C10orf71: variants seen among roughly 807,000 people sequenced by gnomAD.
C10orf71 encodes the protein chromosome 10 open reading frame 71.
For missense variants in C10orf71, 1,869 were observed against 1,804.5 expected (o/e 1.04, Z -0.65); for synonymous variants, 758 against 726.3 (o/e 1.04, Z -0.70).
chr10:49,323,400 A>G lies in C10orf71; in HGVS notation c.855A>G (p.Pro285=), dbSNP rs1443893439. The change falls in exon 3 of 3, where the codon CCA becomes CCG. Residue 285 remains proline (P), a synonymous_variant. Coordinates refer to ENST00000374144, the MANE Select transcript of C10orf71 (RefSeq NM_001135196.2). The part of the protein sequence containing the change: ...SAFESWNAHQ[P]KLLERKDTAG... ...TTGAGTCATGGAATGCCCACCAACCAAAGCTGCTGGAGAGAAAGGACACAG... is the reference window on the plus strand; with the variant it reads ...TTGAGTCATGGAATGCCCACCAACCGAAGCTGCTGGAGAGAAAGGACACAG... 6.2e-7 allele frequency: 1 copy of G among 1,613,982 alleles called. No individual in the cohort carries two copies. The highest frequency in any genetic ancestry group is 1.1e-5 in the South Asian group (1 of 91,074).
At position 49,326,015 on chromosome 10, in the gene C10orf71, T is replaced by C. The variant is rs1849233532; in HGVS notation, c.3470T>C (p.Leu1157Pro). The change falls in exon 3 of 3, where the codon CTT becomes CCT. Residue 1157 changes from leucine (L) to proline (P), a missense_variant. Leu to Pro is a moderately conservative substitution (Grantham distance 98). Transcript: ENST00000374144. ...AGCCCAGCAGGCACCTCTGGGAGAC[T>C]TGAGCTTCCTGCACAGCTAGAGAGG... ...ATSPAGTSGR[L>P]ELPAQLERTA... The C allele has an allele frequency of 6.4e-7, 1 of 1,551,644 alleles. No homozygotes were observed. Among genetic ancestry groups the C allele is most frequent in the African/African-American group, 1.4e-5 (1 of 73,156 alleles).
Position 49,322,484 on chromosome 10 carries a change from T to C in C10orf71, c.-62T>C. On this transcript the variant is annotated 5_prime_UTR_variant, in exon 3 of 3. Coordinates refer to ENST00000374144, the MANE Select transcript of C10orf71 (RefSeq NM_001135196.2). The stretch of plus-strand genomic sequence containing the variant: ...TGGGGAAGAGGGAAACACCTAACCT[T>C]GACAGAATCATCACCAGAGACACCT... The C allele has an allele frequency of 6.7e-7, 1 of 1,498,152 alleles. No individual in the cohort carries two copies. Among genetic ancestry groups the C allele is most frequent in the Non-Finnish European group, 8.9e-7 (1 of 1,119,524 alleles). The allele number at this position is 1,498,152 out of a possible 1,614,324, so 92.8% of individuals were successfully genotyped here. A position where few individuals can be genotyped will look rare whatever the true frequency, so the allele number is the denominator to read the frequency against.
intron 1 of C10orf71, among the ~76,000 whole-genome samples, chr10:49,307,416 T>TGAGTCCAGCCCATCTGGCC (rs1848833646): frequency 6.6e-6 from 1 of 152,224 alleles, no homozygotes. Flanking sequence ...GGTGTCTGGC[T>TGAGTCCAGCCCATCTGGCC]GAGTCCAGCC....
rs1432480938 is a variant in C10orf71, at chr10:49,325,370, C to G, written c.2825C>G (p.Ser942Trp). 2.6e-6 allele frequency: 4 copies of G among 1,551,666 alleles called. No homozygotes were observed. Among genetic ancestry groups the G allele is most frequent in the Admixed American group, 2.0e-5 (1 of 51,010 alleles). Residue 942 changes from serine to tryptophan, a missense_variant, in exon 3 of 3, where the codon TCG becomes TGG. Ser to Trp is a radical substitution (Grantham distance 177). Coordinates refer to ENST00000374144, the MANE Select transcript of C10orf71 (RefSeq NM_001135196.2). Reference protein sequence around the residue: ...NEVMEDPGQGSSMARMEASQP... With the variant: ...NEVMEDPGQGWSMARMEASQP... Reference sequence around the variant, plus strand: ...GTCATGGAGGACCCTGGGCAGGGGTCGAGCATGGCCAGGATGGAGGCCTCT... The same window carrying G: ...GTCATGGAGGACCCTGGGCAGGGGTGGAGCATGGCCAGGATGGAGGCCTCT...
Position 49,325,248 on chromosome 10 carries a change from G to A in C10orf71, c.2703G>A (p.Glu901=). ...EEELPRPEWG[E]DPGFCAPENQ... is the part of the protein sequence containing the mutation. ...AATTGCCAAGGCCAGAATGGGGTGAGGATCCTGGGTTTTGTGCCCCCGAAA... is the reference window on the plus strand; with the variant it reads ...AATTGCCAAGGCCAGAATGGGGTGAAGATCCTGGGTTTTGTGCCCCCGAAA... Residue 901 remains glutamate, a synonymous_variant, in exon 3 of 3, where the codon GAG becomes GAA. Transcript: ENST00000374144. 1 of 1,551,854 alleles carries A rather than the reference G, an allele frequency of 6.4e-7. No individual in the cohort carries two copies. Among genetic ancestry groups the A allele is most frequent in the Non-Finnish European group, 8.7e-7 (1 of 1,147,042 alleles).
rs1399019821 is a variant in C10orf71, at chr10:49,325,953, C to T, written c.3408C>T (p.Thr1136=). The T allele has an allele frequency of 1.9e-6, 3 of 1,551,630 alleles. No individual in the cohort carries two copies. Among genetic ancestry groups the T allele is most frequent in the Non-Finnish European group, 2.6e-6 (3 of 1,146,962 alleles). Residue 1136 remains threonine (T), a synonymous_variant, in exon 3 of 3, where the codon ACC becomes ACT. Coordinates refer to ENST00000374144, the MANE Select transcript of C10orf71 (RefSeq NM_001135196.2). ...AGCTGTCGGCAGAAGACCTCCGGACCCTCTCTCCAAGAGGTTCATTGCTGG... is the reference window on the plus strand; with the variant it reads ...AGCTGTCGGCAGAAGACCTCCGGACTCTCTCTCCAAGAGGTTCATTGCTGG... ...LLELSAEDLR[T]LSPRGSLLDV...
Position 49,316,259 on chromosome 10 carries a change from AT to A in C10orf71, c.-145+13del, listed in dbSNP as rs1320364499. The A allele has an allele frequency of 7.2e-5, 11 of 151,944 alleles. No homozygotes were observed. Among genetic ancestry groups the A allele is most frequent in the African/African-American group, 2.7e-4 (11 of 41,350 alleles). 9.4% of individuals were successfully genotyped at this position (151,944 alleles called of 1,614,324 possible). A position where few individuals can be genotyped will look rare whatever the true frequency, so the allele number is the denominator to read the frequency against. On this transcript the variant is annotated intron_variant, in intron 2 of 2. Transcript: ENST00000374144. Reference sequence around the variant, plus strand: ...CAGTGCTGTAACAGGTATGGAACTAATCTAAGAGTAGGCATCTAGAAACACC... The same window carrying A: ...CAGTGCTGTAACAGGTATGGAACTAACTAAGAGTAGGCATCTAGAAACACC...
At chr10:49,314,248 C>A (rs1168136689) in intron 1 of C10orf71, among the ~76,000 whole-genome samples, 2 of 152,138 alleles carry the variant, frequency 1.3e-5, no homozygotes, top group Non-Finnish European at 2.9e-5. Context: ...TTTAAGAGAA[C>A]AGTCTTTGAA....
chr10:49,313,919 C>T (rs1280852913), intron 1 of C10orf71, among the ~76,000 whole-genome samples: 1 of 152,138 alleles, frequency 6.6e-6, no homozygotes, highest in Non-Finnish European at 1.5e-5. Flanking sequence ...TTGCGGGGAC[C>T]ATGGTGTGGG....
chr10:49,316,731 T>C (rs1849005501), intron 2 of C10orf71, among the ~76,000 whole-genome samples: 1 of 152,194 alleles, frequency 6.6e-6, no homozygotes, highest in African/African-American at 2.4e-5. Context: ...CAAGGAAGCC[T>C]GAGCACACTT....
At chr10:49,319,640 G>T (rs1849057044) in intron 2 of C10orf71, among the ~76,000 whole-genome samples, 1 of 104,866 alleles carries the variant, frequency 9.5e-6, no homozygotes, top group South Asian at 3.2e-4. Flanking sequence ...TGGAGGAATG[G>T]ATAAGCAAAA....
At position 49,323,761 on chromosome 10, in the gene C10orf71, C is replaced by A. The variant is rs776402238; in HGVS notation, c.1216C>A (p.Gln406Lys). ...DTLEEKTQTN[Q>K]RGPPLYTKHN... ...TTTAGAAGAAAAGACACAGACCAAC[C>A]AGAGAGGCCCACCTTTGTATACAAA... The change falls in exon 3 of 3, where the codon CAG becomes AAG. Residue 406 changes from glutamine (Q) to lysine (K), a missense_variant. By Grantham distance (53) the Gln-to-Lys change is moderately conservative. Coordinates refer to ENST00000374144, the MANE Select transcript of C10orf71 (RefSeq NM_001135196.2). 3 of 1,613,872 alleles carry A rather than the reference C, an allele frequency of 1.9e-6. No homozygotes were observed. Among genetic ancestry groups the A allele is most frequent in the African/African-American group, 2.7e-5 (2 of 74,904 alleles).
At chr10:49,315,297 G>A (rs1291703918) in intron 1 of C10orf71, among the ~76,000 whole-genome samples, 1 of 152,160 alleles carries the variant, frequency 6.6e-6, no homozygotes, top group Non-Finnish European at 1.5e-5. Context: ...AACCCCAAAG[G>A]TTTGCATTTA....
rs377136815 is a variant in C10orf71, at chr10:49,324,430, G to A, written c.1885G>A (p.Gly629Arg). 2.5e-5 allele frequency: 41 copies of A among 1,609,120 alleles called. No homozygotes were observed. The highest frequency in any genetic ancestry group is 1.3e-4 in the Admixed American group (8 of 59,262). ...VEGELEMGPA[G>R]SSWCPDSREH... ...AGGAGAGTTGGAGATGGGTCCTGCC[G>A]GATCCAGCTGGTGTCCAGACTCCAG... Residue 629 changes from glycine to arginine, a missense_variant, in exon 3 of 3, where the codon GGA becomes AGA. By Grantham distance (125) the Gly-to-Arg change is moderately radical. Coordinates refer to ENST00000374144, the MANE Select transcript of C10orf71 (RefSeq NM_001135196.2).
intron 1 of C10orf71, among the ~76,000 whole-genome samples, chr10:49,308,614 G>T (rs1848857992): frequency 2.0e-5 from 3 of 152,298 alleles, no homozygotes; most frequent in African/African-American, 7.2e-5. Flanking sequence ...AGAGGTAATT[G>T]TGCTTTTACA....
rs1321977503 is a variant in C10orf71 at position 49,325,890 on chromosome 10, C to T, written c.3345C>T (p.His1115=). 6.5e-6 allele frequency: 10 copies of T among 1,549,922 alleles called. No homozygotes were observed. Among genetic ancestry groups the T allele is most frequent in the Middle Eastern group, 1.7e-4 (1 of 5,986 alleles). Residue 1115 remains histidine, a synonymous_variant, in exon 3 of 3, where the codon CAC becomes CAT. Transcript: ENST00000374144. ...TCACCCGGAGGGAGGACCTGACCCA[C>T]GCCCTCGTGTGGGAGGGCGGCTCTG... is the stretch of plus-strand genomic sequence containing the variant. ...ARVTRREDLT[H]ALVWEGGSDP...
In C10orf71 at chr10:49,325,081, T is replaced by C. The variant is rs1465099808; in HGVS notation, c.2536T>C (p.Ser846Pro). 1 of 1,551,680 alleles carries C rather than the reference T, an allele frequency of 6.4e-7. No homozygotes were observed. Among genetic ancestry groups the C allele is most frequent in the Non-Finnish European group, 8.7e-7 (1 of 1,147,048 alleles). ...GGCCAAAGACCTTACTCCCTCACCA[T>C]CTTCTGCTTCAAACAGGCACATGCT... Reference protein sequence around the residue: ...SQAKDLTPSPSSASNRHMLFT... With the variant: ...SQAKDLTPSPPSASNRHMLFT... Residue 846 changes from serine to proline, a missense_variant, in exon 3 of 3, where the codon TCT becomes CCT. Coordinates refer to ENST00000374144, the MANE Select transcript of C10orf71 (RefSeq NM_001135196.2).
Position 49,325,107 on chromosome 10 carries a change from G to C in C10orf71, c.2562G>C (p.Leu854=). ...CTTCTGCTTCAAACAGGCACATGCT[G>C]TTTACGATTAAAGACAACACCCTCA... ...SPSSASNRHM[L]FTIKDNTLRA... is the part of the protein sequence containing the mutation. The change falls in exon 3 of 3, where the codon CTG becomes CTC. Residue 854 remains leucine, a synonymous_variant. Coordinates refer to ENST00000374144, the MANE Select transcript of C10orf71 (RefSeq NM_001135196.2). The C allele has an allele frequency of 6.4e-7, 1 of 1,552,004 alleles. No individual in the cohort carries two copies. The highest frequency in any genetic ancestry group is 8.7e-7 in the Non-Finnish European group (1 of 1,147,066).
At position 49,323,983 on chromosome 10, in the gene C10orf71, G is replaced by C; in HGVS notation, c.1438G>C (p.Glu480Gln). The change falls in exon 3 of 3, where the codon GAG becomes CAG. Residue 480 changes from glutamate (E) to glutamine (Q), a missense_variant. Transcript: ENST00000374144. ...CCCAGGACAGCTAAACGGATACCAA[G>C]AGAAGGAGCCCAGTGAATGTCAGTC... The part of the protein sequence containing the change: ...SPPGQLNGYQ[E>Q]KEPSECQSRD... The C allele has an allele frequency of 1.2e-6, 2 of 1,613,630 alleles. No homozygotes were observed. The highest frequency in any genetic ancestry group is 1.7e-6 in the Non-Finnish European group (2 of 1,179,736).
Sources: gnomAD v4.1 joint callset for allele counts (sites outside exome capture counted in the v4.1 genomes callset) on GRCh38, gnomAD v4.1.1 for gene constraint, MANE v1.5 for transcripts, NCBI Gene and HGNC (gene_info 2026-07-23, HGNC 2026-07-21) for gene names.